Variants in GPR160 observed in about 807,000 individuals in gnomAD.
GPR160 encodes the protein G protein-coupled receptor 160, also known as probable G protein-coupled receptor 160.
Under a neutral mutation model 2.6 loss-of-function variants are expected in GPR160, and 2 were observed. The observed-to-expected ratio is 0.77, with a 90% CI of 0.32 to 2.44. The LOEUF (loss-of-function observed/expected upper bound fraction) is 2.44. Among genes scored for constraint, GPR160 ranks in the 30% most tolerant of loss-of-function variants. The probability of loss-of-function intolerance (pLI) is 0.11; values close to 1 mark genes in which losing one functional copy is unlikely to be tolerated. For missense variants in GPR160, 351 were observed against 383.6 expected (o/e 0.91, Z 0.71); for synonymous variants, 130 against 132.2 (o/e 0.98, Z 0.12).
chr3:170,039,703 C>A (rs945637828), intron 2 of GPR160, among the ~76,000 whole-genome samples: 1 of 152,088 alleles, frequency 6.6e-6, no homozygotes, highest in East Asian at 1.9e-4. Context: ...AGCGAGACTC[C>A]GTCTCAAAAT....
rs753175405 is a variant in GPR160 at position 170,084,287 on chromosome 3, T to C, written c.315T>C (p.Tyr105=). 2.5e-5 allele frequency: 40 copies of C among 1,609,046 alleles called. No individual in the cohort carries two copies. Among genetic ancestry groups the C allele is most frequent in the Middle Eastern group, 3.3e-4 (2 of 6,072 alleles). Residue 105 remains tyrosine (Y), a synonymous_variant, in exon 4 of 4, where the codon TAT becomes TAC. Transcript: ENST00000355897. ...CLFTQIISFT[Y]GFLHYPVFLT... is the part of the protein sequence containing the mutation. The stretch of plus-strand genomic sequence containing the variant: ...TTACTCAAATTATTTCCTTTACTTA[T>C]GGCTTTTTGCATTATCCAGTTTTCC...
chr3:170,060,602 C>T (rs973845613), intron 2 of GPR160, among the ~76,000 whole-genome samples: 9 of 151,850 alleles, frequency 5.9e-5, no homozygotes, highest in Non-Finnish European at 1.2e-4. Flanking sequence ...CTCTACAAAA[C>T]AGTATTTTAA....
intron 2 of GPR160, among the ~76,000 whole-genome samples, chr3:170,046,105 G>A (rs1020547441): frequency 1.3e-5 from 2 of 152,138 alleles, no homozygotes. Flanking sequence ...CCCACATAAT[G>A]TTAGAAGAAA....
chr3:170,043,723 C>T lies in GPR160; in HGVS notation c.-193+4680C>T, dbSNP rs139772132. Among the ~76,000 whole-genome samples, 755 of 152,216 alleles carry T rather than the reference C, an allele frequency of 5.0e-3. 5 individuals carry two copies. Among genetic ancestry groups the T allele is most frequent in the African/African-American group, 0.017 (719 of 41,518 alleles). On this transcript the variant is annotated intron_variant, in intron 2 of 3. Transcript: ENST00000355897. ...TAGGCAAACTATCTTCTTATCACAC[C>T]CCACTGTCCTGGTGACAGGCGGGGG...
intron 3 of GPR160, among the ~76,000 whole-genome samples, chr3:170,080,348 C>G (rs1325149629): frequency 2.0e-5 from 3 of 152,224 alleles, no homozygotes; most frequent in Non-Finnish European, 4.4e-5. Context: ...TATTCAGGAA[C>G]TATCGTAAAT....
intron 2 of GPR160, among the ~76,000 whole-genome samples, chr3:170,051,602 G>A (rs1160208387): frequency 6.6e-6 from 1 of 152,188 alleles, no homozygotes; most frequent in African/African-American, 2.4e-5. Context: ...GCATGCGCCT[G>A]TAATCCCAGC....
At chr3:170,055,339 G>A (rs542698653) in intron 2 of GPR160, among the ~76,000 whole-genome samples, 2 of 152,262 alleles carry the variant, frequency 1.3e-5, no homozygotes, top group Admixed American at 1.3e-4. Flanking sequence ...ATCTCCCTTA[G>A]GTGGTTGTTC....
chr3:170,046,730 G>T (rs1183901200), intron 2 of GPR160, among the ~76,000 whole-genome samples: 2 of 152,100 alleles, frequency 1.3e-5, no homozygotes, highest in South Asian at 2.1e-4. Context: ...AGGGCTATCT[G>T]GTTTGATCTT....
In GPR160 at chr3:170,084,203, G is replaced by GTATT. The variant is rs2108201102; in HGVS notation, c.233_236dup (p.Phe79LeufsTer11). Reference sequence around the variant, plus strand: ...TTTTGGTAAACATTTCCATTATATTGTATTTCAGGGATTTTGTACTTTTAA... The same window carrying GTATT: ...TTTTGGTAAACATTTCCATTATATTGTATTTATTTCAGGGATTTTGTACTTTTAA... On this transcript the variant is annotated frameshift_variant, in exon 4 of 4. Transcript: ENST00000355897. LOFTEE classifies it low-confidence loss of function (END_TRUNC). 6.3e-7 allele frequency: 1 copy of GTATT among 1,594,996 alleles called. No individual in the cohort carries two copies. The highest frequency in any genetic ancestry group is 8.6e-7 in the Non-Finnish European group (1 of 1,168,908).
At chr3:170,063,689 G>C (rs971510566) in intron 2 of GPR160, among the ~76,000 whole-genome samples, 1 of 152,026 alleles carries the variant, frequency 6.6e-6, no homozygotes, top group Admixed American at 6.6e-5. Flanking sequence ...GGAAGACGCT[G>C]TCTCCCAAAG....
chr3:170,040,691 G>A (rs949314835), intron 2 of GPR160, among the ~76,000 whole-genome samples: 6 of 152,166 alleles, frequency 3.9e-5, no homozygotes, highest in Non-Finnish European at 8.8e-5. Flanking sequence ...CACACGTGTC[G>A]GTATGCACTT....
At chr3:170,047,617 C>T (rs1195896199) in intron 2 of GPR160, among the ~76,000 whole-genome samples, 1 of 152,028 alleles carries the variant, frequency 6.6e-6, no homozygotes, top group East Asian at 1.9e-4. Context: ...TATCATAGCA[C>T]AATTCACAAT....
chr3:170,082,467 TTC>T (rs1223601734), intron 3 of GPR160, among the ~76,000 whole-genome samples: 2 of 152,178 alleles, frequency 1.3e-5, no homozygotes, highest in Non-Finnish European at 2.9e-5. Context: ...ATCCAAAACT[TTC>T]TGAGCACTGA....
intron 2 of GPR160, among the ~76,000 whole-genome samples, chr3:170,043,487 ACG>A (rs1295266627): frequency 1.3e-5 from 2 of 152,156 alleles, no homozygotes; most frequent in African/African-American, 4.8e-5. Flanking sequence ...TGGCCCACAC[ACG>A]TTTTTAATTC....
chr3:170,084,111 A>G lies in GPR160; in HGVS notation c.139A>G (p.Arg47Gly). 6.3e-7 allele frequency: 1 copy of G among 1,597,216 alleles called. No individual in the cohort carries two copies. The stretch of plus-strand genomic sequence containing the variant: ...AAATATCCTTACACTAGGAATGAGA[A>G]GAAAAAACACCTGTCAAAATTTTAT... ...LLNILTLGMR[R>G]KNTCQNFMEY... The change falls in exon 4 of 4, where the codon AGA becomes GGA. Residue 47 changes from arginine to glycine, a missense_variant. Coordinates refer to ENST00000355897, the MANE Select transcript of GPR160 (RefSeq NM_014373.3).
At chr3:170,048,269 A>G (rs1716813670) in intron 2 of GPR160, among the ~76,000 whole-genome samples, 1 of 152,242 alleles carries the variant, frequency 6.6e-6, no homozygotes, top group Non-Finnish European at 1.5e-5. Context: ...TCAGAAGGGC[A>G]GGATGGGAAG....
At chr3:170,070,196 GAT>G (rs1378213338) in intron 2 of GPR160, among the ~76,000 whole-genome samples, 1 of 152,116 alleles carries the variant, frequency 6.6e-6, no homozygotes, top group African/African-American at 2.4e-5. Context: ...GCACTTAGTT[GAT>G]ATATCCTAAG....
intron 2 of GPR160, among the ~76,000 whole-genome samples, chr3:170,051,155 A>G (rs1716940662): frequency 6.6e-6 from 1 of 152,334 alleles, no homozygotes; most frequent in Middle Eastern, 3.4e-3. Context: ...GATATTCCAA[A>G]GGGTATATAA....
intron 2 of GPR160, among the ~76,000 whole-genome samples, chr3:170,039,483 T>C (rs540356238): frequency 6.6e-6 from 1 of 152,230 alleles, no homozygotes; most frequent in East Asian, 1.9e-4. Flanking sequence ...CCGAGGTGGG[T>C]GGATCACCTG....
Sources: allele counts gnomAD v4.1 joint callset (sites outside exome capture counted in the v4.1 genomes callset), GRCh38; gene constraint gnomAD v4.1.1; transcripts MANE v1.5; gene names NCBI Gene and HGNC (gene_info 2026-07-23, HGNC 2026-07-21).